The following MYH10 variants were observed in gnomAD, a reference collection of about 807,000 sequenced individuals.
MYH10 encodes the protein myosin-10.
In MYH10, 55 loss-of-function variants were observed where a neutral mutation model predicts 257.8. That is an observed-to-expected ratio of 0.21 (90% CI 0.17 to 0.27). MYH10 has a LOEUF of 0.27. Among genes scored for constraint, MYH10 ranks in the 10% least tolerant of loss-of-function variants. The probability of loss-of-function intolerance (pLI) is 1.00; values close to 1 mark genes in which losing one functional copy is unlikely to be tolerated. For synonymous variants in MYH10, 854 were observed against 921.7 expected (o/e 0.93, Z 1.33); for missense variants, 1,631 against 2,500.6 (o/e 0.65, Z 7.42).
chr17:8,562,935 C>T (rs2083045811), intron 7 of MYH10, among the ~76,000 whole-genome samples: 1 of 152,132 alleles, frequency 6.6e-6, no homozygotes, highest in East Asian at 1.9e-4. Context: ...TTTCTAGAAT[C>T]TTTTCTGGGG....
chr17:8,488,969 G>T (rs1308657032), intron 35 of MYH10, among the ~76,000 whole-genome samples: 1 of 152,094 alleles, frequency 6.6e-6, no homozygotes, highest in Non-Finnish European at 1.5e-5. Flanking sequence ...TTGAATGTGG[G>T]CCAGACTTAG....
chr17:8,512,750 G>GA lies in MYH10; in HGVS notation c.2746-94dup. On this transcript the variant is annotated intron_variant, in intron 23 of 42. Coordinates refer to ENST00000360416, the MANE Select transcript of MYH10 (RefSeq NM_001256012.3). ...ATTTCAATGGTCAATGCACATCAAAGAAACTGGGAGATAAAAATATATAAC... is the reference window on the plus strand; with the variant it reads ...ATTTCAATGGTCAATGCACATCAAAGAAAACTGGGAGATAAAAATATATAAC... 1.1e-5 allele frequency: 10 copies of GA among 929,604 alleles called. No individual in the cohort carries two copies. In the South Asian group the frequency reaches 2.0e-4, roughly 18 times the overall value. The allele number at this position is 929,604 out of a possible 1,614,324, so 57.6% of individuals were successfully genotyped here. A position where few individuals can be genotyped will look rare whatever the true frequency, so the allele number is the denominator to read the frequency against.
At chr17:8,608,357 C>A (rs1218944178) in intron 2 of MYH10, among the ~76,000 whole-genome samples, 1 of 152,186 alleles carries the variant, frequency 6.6e-6, no homozygotes, top group African/African-American at 2.4e-5. Flanking sequence ...CAACACAAAA[C>A]AGAGAAGGCC....
At position 8,477,486 on chromosome 17, in the gene MYH10, G is replaced by A. The variant is rs1912874990; in HGVS notation, c.5707-438C>T. On this transcript the variant is annotated intron_variant, in intron 41 of 42. Coordinates refer to ENST00000360416, the MANE Select transcript of MYH10 (RefSeq NM_001256012.3). This position sits in a 1 kb window ranked among gnomAD's most constrained non-coding sequence, Gnocchi z 4.2. Reference sequence around the variant, plus strand: ...GATGGGCATCTCAGATACTAGACTTGGATTCAAGCAGAAAGCCACCCTGGG... The same window carrying A: ...GATGGGCATCTCAGATACTAGACTTAGATTCAAGCAGAAAGCCACCCTGGG... Among the ~76,000 whole-genome samples the A allele has an allele frequency of 6.6e-6, 1 of 152,014 alleles. No individual in the cohort carries two copies. Among genetic ancestry groups the A allele is most frequent in the South Asian group, 2.1e-4 (1 of 4,810 alleles).
chr17:8,481,650 G>A (rs932733069), intron 37 of MYH10, among the ~76,000 whole-genome samples: 1 of 152,196 alleles, frequency 6.6e-6, no homozygotes, highest in African/African-American at 2.4e-5. Context: ...TGCCATAAGG[G>A]CTTTGCTGTC....
At chr17:8,611,021 T>C (rs954885969) in intron 2 of MYH10, among the ~76,000 whole-genome samples, 1 of 152,214 alleles carries the variant, frequency 6.6e-6, no homozygotes, top group African/African-American at 2.4e-5. Context: ...ATAATAGTTA[T>C]GCATCCCAAA....
chr17:8,575,846 G>A (rs1032324649), intron 6 of MYH10, among the ~76,000 whole-genome samples: 3 of 152,202 alleles, frequency 2.0e-5, no homozygotes, highest in Non-Finnish European at 4.4e-5. Flanking sequence ...CCCAGGTAGT[G>A]AGAAATGGAG....
chr17:8,601,665 C>T (rs2084601633), intron 3 of MYH10, among the ~76,000 whole-genome samples: 1 of 152,172 alleles, frequency 6.6e-6, no homozygotes, highest in Non-Finnish European at 1.5e-5. Flanking sequence ...TCTACCATTC[C>T]ATGCTTTTAA....
intron 2 of MYH10, among the ~76,000 whole-genome samples, chr17:8,620,165 C>G (rs1445760708): frequency 6.6e-6 from 1 of 152,052 alleles, no homozygotes; most frequent in Non-Finnish European, 1.5e-5. Flanking sequence ...AAACACAGAC[C>G]ACTCATAAAA....
chr17:8,524,947 C>A (rs1467642162), intron 17 of MYH10, among the ~76,000 whole-genome samples: 3 of 152,176 alleles, frequency 2.0e-5, no homozygotes, highest in Non-Finnish European at 4.4e-5. Flanking sequence ...CTCTAAGCCT[C>A]AATTTCCTCC....
intron 3 of MYH10, among the ~76,000 whole-genome samples, chr17:8,603,858 A>G (rs1191204519): frequency 6.6e-6 from 1 of 152,182 alleles, no homozygotes; most frequent in Non-Finnish European, 1.5e-5. Context: ...TGTCCTTACC[A>G]ACTTATGTAT....
intron 1 of MYH10, among the ~76,000 whole-genome samples, chr17:8,630,412 T>A (rs1395457970): frequency 6.6e-6 from 1 of 151,310 alleles, no homozygotes; most frequent in Non-Finnish European, 1.5e-5. Context: ...AGTCTCTCCA[T>A]CTCCACCCAC....
chr17:8,591,956 G>T (rs1189495519), intron 3 of MYH10, among the ~76,000 whole-genome samples: 1 of 152,102 alleles, frequency 6.6e-6, no homozygotes, highest in African/African-American at 2.4e-5. Context: ...TGAATCCTCT[G>T]TACCCTTCAA....
chr17:8,591,065 G>A (rs1197530268), intron 3 of MYH10, among the ~76,000 whole-genome samples: 5 of 151,716 alleles, frequency 3.3e-5, no homozygotes, highest in Admixed American at 6.6e-5. Context: ...GTAGAGACGG[G>A]GTTTCACCGT....
At chr17:8,580,124 C>T (rs2083647202) in intron 4 of MYH10, among the ~76,000 whole-genome samples, 1 of 151,240 alleles carries the variant, frequency 6.6e-6, no homozygotes, top group Middle Eastern at 3.2e-3. Flanking sequence ...GAGACTTCAC[C>T]TGAAAAAAAA....
chr17:8,609,938 G>A (rs963078780), intron 2 of MYH10, among the ~76,000 whole-genome samples: 9 of 151,730 alleles, frequency 5.9e-5, no homozygotes, highest in African/African-American at 2.2e-4. Context: ...TGTGTGTGGA[G>A]GAATACACAT....
intron 24 of MYH10, among the ~76,000 whole-genome samples, chr17:8,512,187 G>A (rs2081318273): frequency 6.6e-6 from 1 of 152,196 alleles, no homozygotes; most frequent in Admixed American, 6.5e-5. Flanking sequence ...TGGGAGGTTT[G>A]CGACTGTGAA....
Position 8,475,764 on chromosome 17 carries a change from A to C in MYH10, c.*40T>G. 6.3e-7 allele frequency: 1 copy of C among 1,598,086 alleles called. No individual in the cohort carries two copies. Among genetic ancestry groups the C allele is most frequent in the Non-Finnish European group, 8.5e-7 (1 of 1,170,134 alleles). On this transcript the variant is annotated 3_prime_UTR_variant, in exon 43 of 43. Transcript: ENST00000360416. ...TGCAGGAGGCCCCGGGTGCATTCCT[A>C]ACTGTCCCACTGTATTGCCTCCTCT...
intron 4 of MYH10, among the ~76,000 whole-genome samples, chr17:8,580,204 G>A (rs1264574705): frequency 9.2e-5 from 14 of 151,874 alleles, no homozygotes; most frequent in African/African-American, 3.4e-4. Flanking sequence ...CAGTCGTTCT[G>A]AAACGTGACT....
Sources: gnomAD v4.1 joint callset for allele counts (sites outside exome capture counted in the v4.1 genomes callset) on GRCh38, gnomAD v4.1.1 for gene constraint, Gnocchi (gnomAD v3.1) non-coding constraint, MANE v1.5 for transcripts, NCBI Gene and HGNC (gene_info 2026-07-23, HGNC 2026-07-21) for gene names.